ATP6V1A: variants seen among roughly 807,000 people sequenced by gnomAD.
ATP6V1A encodes the protein ATPase H+ transporting V1 subunit A.
ATP6V1A carries 18 observed loss-of-function variants against 70.1 expected under a neutral mutation model. The observed-to-expected ratio is 0.26, with a 90% CI of 0.18 to 0.38. The LOEUF (loss-of-function observed/expected upper bound fraction) is 0.38, where lower values mean the gene tolerates loss of function less well. Among genes scored for constraint, ATP6V1A ranks in the 10% least tolerant of loss-of-function variants. The pLI is 1.00. For missense variants in ATP6V1A, 424 were observed against 772.4 expected, an observed-to-expected ratio of 0.55 and a Z score of 5.35; for synonymous variants, 232 against 253.8, an observed-to-expected ratio of 0.91 and a Z score of 0.82.
chr3:113,784,681 T>A lies in ATP6V1A; in HGVS notation c.427-15T>A. On this transcript the variant is annotated splice_polypyrimidine_tract_variant and intron_variant, in intron 4 of 14. Coordinates refer to ENST00000273398, the MANE Select transcript of ATP6V1A (RefSeq NM_001690.4). Reference sequence around the variant, plus strand: ...ATTTATTTGCAAATTAAACAGCAAATACATTTATCTCTAGGTTGGTAGTCA... The same window carrying A: ...ATTTATTTGCAAATTAAACAGCAAAAACATTTATCTCTAGGTTGGTAGTCA... The A allele has an allele frequency of 6.2e-7, 1 of 1,611,686 alleles. No individual in the cohort carries two copies. Among genetic ancestry groups the A allele is most frequent in the South Asian group, 1.1e-5 (1 of 90,840 alleles).
At chr3:113,775,143 C>T (rs1406539130) in intron 1 of ATP6V1A, among the ~76,000 whole-genome samples, 2 of 151,710 alleles carry the variant, frequency 1.3e-5, no homozygotes. Context: ...TTTCTAAAAA[C>T]AGAATGGCTT....
intron 2 of ATP6V1A, among the ~76,000 whole-genome samples, chr3:113,779,947 T>C (rs1213496247): frequency 6.6e-6 from 1 of 152,220 alleles, no homozygotes; most frequent in African/African-American, 2.4e-5. Flanking sequence ...GGTGGCTTGC[T>C]GCACCTATCA....
rs542927413 is a variant in ATP6V1A at position 113,750,404 on chromosome 3, C to T, written c.-14+3291C>T. Among the ~76,000 whole-genome samples, 22 of 152,302 alleles carry T rather than the reference C, an allele frequency of 1.4e-4. No homozygotes were observed. In the East Asian group the frequency reaches 3.1e-3, roughly 21 times the overall value. ...GGCTGAGGCAGGAGAATCACTTGAA[C>T]CCGACAGGTGGAGGTTGCAGTGAGC... On this transcript the variant is annotated intron_variant, in intron 1 of 14. Transcript: ENST00000273398.
chr3:113,751,041 A>C (rs1358668861), intron 1 of ATP6V1A, among the ~76,000 whole-genome samples: 2 of 152,170 alleles, frequency 1.3e-5, no homozygotes, highest in East Asian at 3.8e-4. Context: ...TGTAATCATT[A>C]ATGTATGGAA....
intron 12 of ATP6V1A, among the ~76,000 whole-genome samples, chr3:113,801,912 G>C (rs1457385152): frequency 7.3e-6 from 1 of 136,712 alleles, no homozygotes; most frequent in East Asian, 2.1e-4. Flanking sequence ...AGATAAAAGG[G>C]ATTTACAAAA....
intron 1 of ATP6V1A, among the ~76,000 whole-genome samples, chr3:113,763,173 G>C (rs560051761): frequency 2.6e-5 from 4 of 152,022 alleles, no homozygotes; most frequent in Non-Finnish European, 5.9e-5. Context: ...GCTCACTGCA[G>C]CCTCCGCTTC....
At chr3:113,806,381 AACCTCTAGC>A (rs1193774343) in intron 14 of ATP6V1A, among the ~76,000 whole-genome samples, 1 of 152,200 alleles carries the variant, frequency 6.6e-6, no homozygotes, top group Non-Finnish European at 1.5e-5. Flanking sequence ...AGTGCCTATT[AACCTCTAGC>A]ACATGTGTTC....
chr3:113,788,965 G>T, intron 7 of ATP6V1A, 90 bp downstream of exon 7: 1 of 1,149,442 alleles, frequency 8.7e-7, no homozygotes, highest in Non-Finnish European at 1.3e-6. Flanking sequence ...TGGGTCTGGA[G>T]CAATGCTGTC....
intron 1 of ATP6V1A, among the ~76,000 whole-genome samples, chr3:113,765,858 C>T (rs1307962353): frequency 2.0e-5 from 3 of 149,002 alleles, no homozygotes; most frequent in African/African-American, 7.4e-5. Context: ...ACCCAGGAGG[C>T]GGAGGTTGCA....
intron 3 of ATP6V1A, among the ~76,000 whole-genome samples, chr3:113,782,715 C>A (rs2108028509): frequency 6.6e-6 from 1 of 151,404 alleles, no homozygotes; most frequent in South Asian, 2.1e-4. Flanking sequence ...CCTCCGCCTC[C>A]CAGGTTTGAG....
At chr3:113,788,058 C>T (rs1175949722) in intron 6 of ATP6V1A, among the ~76,000 whole-genome samples, 1 of 152,154 alleles carries the variant, frequency 6.6e-6, no homozygotes, top group East Asian at 1.9e-4. Flanking sequence ...ATAGCTAGGC[C>T]ATGGGCATGC....
intron 14 of ATP6V1A, among the ~76,000 whole-genome samples, chr3:113,808,933 C>G (rs1007890110): frequency 1.3e-5 from 2 of 152,042 alleles, no homozygotes; most frequent in Non-Finnish European, 2.9e-5. Flanking sequence ...CTCACTAAAC[C>G]TAGTACTCAA....
intron 2 of ATP6V1A, 151 bp from the exon 3 acceptor site, chr3:113,780,899 A>G (rs763693710): frequency 7.7e-7 from 1 of 1,304,328 alleles, no homozygotes; most frequent in Non-Finnish European, 1.0e-6. Context: ...TCTATGTGAA[A>G]CTACCAGTAT....
At position 113,784,569 on chromosome 3, in the gene ATP6V1A, CTACTT is replaced by C; in HGVS notation, c.427-126_427-122del. 3 of 1,406,608 alleles carry C rather than the reference CTACTT, an allele frequency of 2.1e-6. No homozygotes were observed. In the South Asian group the frequency reaches 4.1e-5, roughly 19 times the overall value. The allele number at this position is 1,406,608 out of a possible 1,614,324, so 87.1% of individuals were successfully genotyped here. A position where few individuals can be genotyped will look rare whatever the true frequency, so the allele number is the denominator to read the frequency against. ...GGATAGTTTAAAGTTTTTCTTAACTCTACTTCATGGGATTTTAGAACTAATGTTTT... is the reference window on the plus strand; with the variant it reads ...GGATAGTTTAAAGTTTTTCTTAACTCCATGGGATTTTAGAACTAATGTTTT... On this transcript the variant is annotated intron_variant, in intron 4 of 14. Transcript: ENST00000273398.
intron 14 of ATP6V1A, among the ~76,000 whole-genome samples, chr3:113,805,995 G>A (rs1709271981): frequency 1.3e-5 from 2 of 152,148 alleles, no homozygotes; most frequent in Admixed American, 1.3e-4. Flanking sequence ...TATCAGCCAG[G>A]CATAGTGGTT....
chr3:113,775,482 G>A (rs1262922900), intron 1 of ATP6V1A, among the ~76,000 whole-genome samples: 5 of 151,974 alleles, frequency 3.3e-5, no homozygotes, highest in Non-Finnish European at 7.4e-5. Flanking sequence ...TGCCCACCTC[G>A]GCCCCCCCAA....
At chr3:113,787,650 G>A (rs1175408389) in intron 6 of ATP6V1A, among the ~76,000 whole-genome samples, 1 of 152,104 alleles carries the variant, frequency 6.6e-6, no homozygotes, top group Admixed American at 6.5e-5. Context: ...CATAAAGGAT[G>A]TATTTAATTT....
rs1056271162 is a variant in ATP6V1A at position 113,811,880 on chromosome 3, A to T, written c.*2453A>T. 1.3e-5 allele frequency: 2 copies of T among 152,366 alleles called. No individual in the cohort carries two copies. Among genetic ancestry groups the T allele is most frequent in the Non-Finnish European group, 2.9e-5 (2 of 67,972 alleles). The allele number at this position is 152,366 out of a possible 1,614,324, so 9.4% of individuals were successfully genotyped here. A position where few individuals can be genotyped will look rare whatever the true frequency, so the allele number is the denominator to read the frequency against. On this transcript the variant is annotated 3_prime_UTR_variant, in exon 15 of 15. Transcript: ENST00000273398. The stretch of plus-strand genomic sequence containing the variant: ...AGCCAATTAAACAAGTTTCATATGT[A>T]TTTTTCCAGTGTTGAATCTCACACA...
At chr3:113,799,833 A>G (rs1709190002) in intron 12 of ATP6V1A, among the ~76,000 whole-genome samples, 1 of 152,220 alleles carries the variant, frequency 6.6e-6, no homozygotes, top group Non-Finnish European at 1.5e-5. Context: ...AACCAGAAAT[A>G]TATATTTCTT....
Sources: allele counts gnomAD v4.1 joint callset (sites outside exome capture counted in the v4.1 genomes callset), GRCh38; gene constraint gnomAD v4.1.1; transcripts MANE v1.5; gene names NCBI Gene and HGNC (gene_info 2026-07-23, HGNC 2026-07-21).